Variants in GRM5 observed in about 807,000 individuals in gnomAD.
GRM5 encodes glutamate metabotropic receptor 5.
GRM5 carries 19 observed loss-of-function variants against 83.1 expected under a neutral mutation model. The observed-to-expected ratio is 0.23, with a 90% confidence interval of 0.16 to 0.34. The LOEUF is 0.34. Among genes scored for constraint, GRM5 ranks in the 10% least tolerant of loss-of-function variants. GRM5 has a pLI of 1.00. For missense variants in GRM5, 1,160 were observed against 1,588.3 expected (o/e 0.73, Z 4.58); for synonymous variants, 675 against 633.6 (o/e 1.07, Z -0.98).
intron 2 of GRM5, among the ~76,000 whole-genome samples, chr11:88,911,548 C>G (rs561681711): frequency 1.3e-5 from 2 of 152,116 alleles, no homozygotes; most frequent in Non-Finnish European, 2.9e-5. Flanking sequence ...ATATTTAATT[C>G]GTGTACCACC....
At chr11:88,824,582 T>G (rs944862024) in intron 3 of GRM5, among the ~76,000 whole-genome samples, 3 of 152,168 alleles carry the variant, frequency 2.0e-5, no homozygotes, top group African/African-American at 7.2e-5. Context: ...TACATTCTCA[T>G]AAGTAGTATG....
At chr11:88,659,888 T>TTTTG (rs1565175484) in intron 3 of GRM5, among the ~76,000 whole-genome samples, 1 of 151,854 alleles carries the variant, frequency 6.6e-6, no homozygotes, top group East Asian at 1.9e-4. Flanking sequence ...CAATATAATT[T>TTTTG]TTTCTTTCTT....
chr11:88,517,605 A>G (rs1941557943), intron 9 of GRM5, among the ~76,000 whole-genome samples: 1 of 152,156 alleles, frequency 6.6e-6, no homozygotes. Flanking sequence ...GAATATGCCA[A>G]TAAGATTAGT....
intron 2 of GRM5, among the ~76,000 whole-genome samples, chr11:88,977,472 A>T (rs1360563020): frequency 6.6e-6 from 1 of 152,098 alleles, no homozygotes; most frequent in Non-Finnish European, 1.5e-5. Flanking sequence ...CGGCCTCCCA[A>T]AGTGCTGGGA....
At chr11:88,734,667 G>C (rs909382546) in intron 3 of GRM5, among the ~76,000 whole-genome samples, 3 of 151,992 alleles carry the variant, frequency 2.0e-5, no homozygotes, top group African/African-American at 7.2e-5. Flanking sequence ...CTGTAACTTT[G>C]TAACTTTTTA....
intron 2 of GRM5, among the ~76,000 whole-genome samples, chr11:89,043,315 G>A (rs950774135): frequency 2.0e-5 from 3 of 152,088 alleles, no homozygotes; most frequent in African/African-American, 7.2e-5. Flanking sequence ...CACCCAGGAA[G>A]TACAATATAA....
At chr11:89,017,010 A>T (rs1386792283) in intron 2 of GRM5, among the ~76,000 whole-genome samples, 1 of 152,194 alleles carries the variant, frequency 6.6e-6, no homozygotes, top group Non-Finnish European at 1.5e-5. Context: ...ATTAACACCA[A>T]GAAGCTTTCT....
chr11:88,835,535 G>C (rs2135524664), intron 3 of GRM5, among the ~76,000 whole-genome samples: 1 of 152,282 alleles, frequency 6.6e-6, no homozygotes, highest in African/African-American at 2.4e-5. Context: ...AGGCCATGTA[G>C]TGTATGCCAA....
chr11:88,993,977 G>A (rs867022134), intron 2 of GRM5, among the ~76,000 whole-genome samples: 2,360 of 150,260 alleles, frequency 0.016, 66 homozygotes, highest in African/African-American at 0.054. Flanking sequence ...TTTGGCCTCC[G>A]AAAGTACTGG....
chr11:89,062,866 T>G (rs1228910403), intron 1 of GRM5, among the ~76,000 whole-genome samples: 1 of 152,252 alleles, frequency 6.6e-6, no homozygotes, highest in Non-Finnish European at 1.5e-5. Flanking sequence ...TAGCCTGGGC[T>G]TCCTCCTTGG....
chr11:88,648,986 G>C (rs1939547419), intron 4 of GRM5, among the ~76,000 whole-genome samples: 1 of 147,602 alleles, frequency 6.8e-6, no homozygotes. Context: ...GAAACCCTAA[G>C]AAAGTAATAT....
intron 3 of GRM5, among the ~76,000 whole-genome samples, chr11:88,656,132 A>ATATTCTTGCACTAC (rs11271068): frequency 1.3e-5 from 2 of 152,100 alleles, no homozygotes; most frequent in Non-Finnish European, 2.9e-5. Context: ...TGGACCTTCA[A>ATATTCTTGCACTAC]TTTAATTTTT....
intron 3 of GRM5, among the ~76,000 whole-genome samples, chr11:88,743,009 C>T (rs1371877592): frequency 6.6e-6 from 1 of 152,070 alleles, no homozygotes; most frequent in Non-Finnish European, 1.5e-5. Flanking sequence ...CAAATTCTAT[C>T]AACTTCTGAA....
intron 3 of GRM5, among the ~76,000 whole-genome samples, chr11:88,757,141 CA>C (rs1349618180): frequency 6.6e-6 from 1 of 152,010 alleles, no homozygotes; most frequent in Non-Finnish European, 1.5e-5. Context: ...AATATACATT[CA>C]AAGCAGTCAA....
intron 8 of GRM5, among the ~76,000 whole-genome samples, chr11:88,556,180 G>A (rs372678813): frequency 7.2e-5 from 11 of 152,038 alleles, no homozygotes; most frequent in African/African-American, 2.7e-4. Flanking sequence ...CATGTCAGTA[G>A]CATTCTAAAG....
chr11:88,781,850 C>G (rs1222486181), intron 3 of GRM5, among the ~76,000 whole-genome samples: 2 of 152,154 alleles, frequency 1.3e-5, no homozygotes, highest in African/African-American at 4.8e-5. Context: ...CCATGCTGAG[C>G]AGAAGAATTA....
At chr11:88,867,496 AGT>A (rs1438587934) in intron 2 of GRM5, among the ~76,000 whole-genome samples, 1 of 151,740 alleles carries the variant, frequency 6.6e-6, no homozygotes, top group Non-Finnish European at 1.5e-5. Context: ...TTAACTTCTT[AGT>A]GTCATGTCAG....
chr11:88,938,384 C>T lies in GRM5; in HGVS notation c.662-88229G>A, dbSNP rs372061153. 6.7e-4 allele frequency among the ~76,000 whole-genome samples: 101 copies of T among 151,398 alleles called. No individual in the cohort carries two copies. The East Asian group carries it at 0.016, about 23-fold the overall frequency. ...AGACATCTTTTATATTTTTCATACACGAAGGACTATATATCCATTATTTAG... is the reference window on the plus strand; with the variant it reads ...AGACATCTTTTATATTTTTCATACATGAAGGACTATATATCCATTATTTAG... On this transcript the variant is annotated intron_variant, in intron 2 of 9. Coordinates refer to ENST00000305447, the MANE Select transcript of GRM5 (RefSeq NM_001143831.3).
At chr11:88,772,760 C>A (rs1942767672) in intron 3 of GRM5, among the ~76,000 whole-genome samples, 1 of 152,136 alleles carries the variant, frequency 6.6e-6, no homozygotes. Flanking sequence ...TCATCCATGT[C>A]CCTACAAAGG....
Sources: gnomAD v4.1 joint callset for allele counts (sites outside exome capture counted in the v4.1 genomes callset) on GRCh38, gnomAD v4.1.1 for gene constraint, MANE v1.5 for transcripts, NCBI Gene and HGNC (gene_info 2026-07-23, HGNC 2026-07-21) for gene names.